The following RFX4 variants were observed in gnomAD, a reference collection of about 807,000 sequenced individuals.
The protein encoded by RFX4 is transcription factor RFX4.
RFX4 carries 10 observed loss-of-function variants against 95.0 expected under a neutral mutation model. The ratio of observed to expected loss-of-function variants is 0.11; its 90% CI spans 0.06 to 0.18. RFX4 has a LOEUF of 0.18. Among genes scored for constraint, RFX4 ranks in the 10% least tolerant of loss-of-function variants. The pLI is 1.00. For missense variants in RFX4, 640 were observed against 922.0 expected (o/e 0.69, Z 3.96); for synonymous variants, 321 against 340.7 (o/e 0.94, Z 0.64).
chr12:106,704,031 A>C (rs1232020260), intron 8 of RFX4, among the ~76,000 whole-genome samples: 1 of 134,400 alleles, frequency 7.4e-6, no homozygotes, highest in East Asian at 2.4e-4. Context: ...CCACCACTGC[A>C]CTCCAGCCTG....
At chr12:106,612,009 G>A (rs1336960453) in intron 2 of RFX4, among the ~76,000 whole-genome samples, 4 of 152,188 alleles carry the variant, frequency 2.6e-5, no homozygotes, top group African/African-American at 9.7e-5. Flanking sequence ...CTAGACTGTA[G>A]CTTTGTAGTA....
chr12:106,740,330 G>A (rs1273777628), intron 15 of RFX4, among the ~76,000 whole-genome samples: 1 of 152,180 alleles, frequency 6.6e-6, no homozygotes, highest in Non-Finnish European at 1.5e-5. Context: ...AACCGAGTGG[G>A]ATAGGATGGA....
intron 7 of RFX4, among the ~76,000 whole-genome samples, chr12:106,695,237 T>C (rs1764248733): frequency 7.7e-6 from 1 of 129,250 alleles, no homozygotes; most frequent in Admixed American, 7.6e-5. Context: ...TTGGAATGTA[T>C]AAAAATTCAG....
intron 4 of RFX4, among the ~76,000 whole-genome samples, chr12:106,669,323 G>A (rs2041236749): frequency 6.6e-6 from 1 of 152,208 alleles, no homozygotes; most frequent in South Asian, 2.1e-4. Context: ...TGAGGTGACA[G>A]ATGTGCTTGT....
At chr12:106,612,120 G>T (rs2039973096) in intron 2 of RFX4, among the ~76,000 whole-genome samples, 2 of 152,020 alleles carry the variant, frequency 1.3e-5, no homozygotes, top group Admixed American at 1.3e-4. Context: ...TTTTAGAATG[G>T]ATTTTTCTAT....
intron 5 of RFX4, chr12:106,683,484 A>AC (rs2041569644): frequency 6.7e-6 from 1 of 149,464 alleles, no homozygotes; most frequent in African/African-American, 2.4e-5. Flanking sequence ...AAAAAAAAAA[A>AC]AAAAAAAAAA....
At chr12:106,739,960 A>C (rs1283781764) in intron 15 of RFX4, among the ~76,000 whole-genome samples, 1 of 152,238 alleles carries the variant, frequency 6.6e-6, no homozygotes, top group Non-Finnish European at 1.5e-5. Context: ...CTTTAATGGC[A>C]TCTAAAGCAA....
chr12:106,712,046 A>T (rs2042200881), intron 10 of RFX4, among the ~76,000 whole-genome samples: 1 of 152,224 alleles, frequency 6.6e-6, no homozygotes, highest in Non-Finnish European at 1.5e-5. Flanking sequence ...GCATATAACT[A>T]CATTTCTATT....
chr12:106,623,077 C>T (rs1476596088), intron 2 of RFX4, among the ~76,000 whole-genome samples: 1 of 135,870 alleles, frequency 7.4e-6, no homozygotes, highest in Non-Finnish European at 1.5e-5. Flanking sequence ...CTTGCTCTGT[C>T]ACCCAGGCTG....
At chr12:106,682,119 C>T in intron 5 of RFX4, 65 bp downstream of exon 5, 1 of 1,530,100 alleles carries the variant, frequency 6.5e-7, no homozygotes, top group Non-Finnish European at 9.1e-7. Context: ...CAGGCCACAC[C>T]CTTGGCTCTT....
At chr12:106,607,155 G>A (rs941908607) in intron 1 of RFX4, among the ~76,000 whole-genome samples, 9 of 152,142 alleles carry the variant, frequency 5.9e-5, no homozygotes, top group Non-Finnish European at 1.2e-4. Context: ...GCAGCCATAG[G>A]TGTCGCCACT....
intron 4 of RFX4, among the ~76,000 whole-genome samples, chr12:106,660,878 A>C (rs964980381): frequency 2.0e-5 from 3 of 152,146 alleles, no homozygotes; most frequent in Non-Finnish European, 4.4e-5. Flanking sequence ...TGAAAATCTA[A>C]TGCCTGATGA....
chr12:106,645,918 C>T (rs1329964303), intron 3 of RFX4: 1 of 1,289,068 alleles, frequency 7.8e-7, no homozygotes, highest in East Asian at 5.5e-5. Flanking sequence ...CGGATGACCT[C>T]AGCTACAGAT....
At chr12:106,647,483 T>C (rs538493374) in intron 3 of RFX4, among the ~76,000 whole-genome samples, 1 of 152,238 alleles carries the variant, frequency 6.6e-6, no homozygotes, top group South Asian at 2.1e-4. Context: ...ATATTAACCA[T>C]GCTTTTCCTT....
At chr12:106,679,720 T>C (rs922556619) in intron 4 of RFX4, among the ~76,000 whole-genome samples, 13 of 152,202 alleles carry the variant, frequency 8.5e-5, no homozygotes, top group Admixed American at 5.9e-4. Flanking sequence ...TTTCTATCGC[T>C]ATTAGCATGT....
chr12:106,708,310 G>A (rs1405348453), intron 8 of RFX4, among the ~76,000 whole-genome samples: 1 of 151,820 alleles, frequency 6.6e-6, no homozygotes, highest in East Asian at 1.9e-4. Context: ...GCTGAGTGCT[G>A]ATGACGTCCT....
chr12:106,632,992 G>A (rs1000605966), intron 2 of RFX4, among the ~76,000 whole-genome samples: 1 of 152,252 alleles, frequency 6.6e-6, no homozygotes, highest in Admixed American at 6.5e-5. Flanking sequence ...CCTGTCATGG[G>A]ACTGGAATGT....
intron 8 of RFX4, among the ~76,000 whole-genome samples, chr12:106,703,108 C>T (rs117759348): frequency 0.012 from 1,791 of 152,330 alleles, 19 homozygotes; most frequent in Middle Eastern, 0.017. Context: ...TTGTATGTAA[C>T]GCCCTGTTTT....
At chr12:106,721,605 A>G (rs1327757877) in intron 13 of RFX4, among the ~76,000 whole-genome samples, 2 of 152,226 alleles carry the variant, frequency 1.3e-5, no homozygotes, top group East Asian at 1.9e-4. Flanking sequence ...CCAGGTCATC[A>G]TTGGCAAACT....
Sources: gnomAD v4.1 joint callset for allele counts (sites outside exome capture counted in the v4.1 genomes callset) on GRCh38, gnomAD v4.1.1 for gene constraint, MANE v1.5 for transcripts, NCBI Gene and HGNC (gene_info 2026-07-23, HGNC 2026-07-21) for gene names.